TUBB8B: variants seen among roughly 807,000 people sequenced by gnomAD.
The protein encoded by TUBB8B is tubulin beta 8B, also known as HSA18p11 beta-tubulin 4Q pseudogene.
TUBB8B carries 26 observed loss-of-function variants against 31.9 expected under a neutral mutation model. The observed-to-expected ratio is 0.81, with a 90% CI of 0.60 to 1.13. The LOEUF (loss-of-function observed/expected upper bound fraction) is 1.13, where lower values mean the gene tolerates loss of function less well. Among genes scored for constraint, TUBB8B ranks in the 50% most tolerant of loss-of-function variants. The pLI is 0.00. For synonymous variants in TUBB8B, 173 were observed against 231.0 expected (o/e 0.75, Z 2.28); for missense variants, 467 against 586.7 (o/e 0.80, Z 2.11).
In TUBB8B at chr18:47,652, G is replaced by A. The variant is rs1174548125; in HGVS notation, c.1073C>T (p.Pro358Leu). The part of the protein sequence containing the change: ...NVKTAVCDIP[P>L]RGLKMSATFI... ...GGTGGCTGACATTTTTAGCCCCCGGGGTGGGATGTCACAGACGGCTGTTTT... is the reference window on the plus strand; with the variant it reads ...GGTGGCTGACATTTTTAGCCCCCGGAGTGGGATGTCACAGACGGCTGTTTT... The change falls in exon 4 of 4, where the codon CCC becomes CTC. Residue 358 changes from proline to leucine, a missense_variant. Physicochemically the swap from Pro to Leu is moderately conservative, Grantham distance 98. Transcript: ENST00000308911. The A allele has an allele frequency of 2.2e-5, 36 of 1,611,990 alleles. 1 individual carries two copies. The highest frequency in any genetic ancestry group is 2.9e-5 in the Non-Finnish European group (34 of 1,179,060).
At chr18:66,161 T>G in the TUBB8B span, among the ~76,000 whole-genome samples, 1 of 152,126 alleles carries the variant, frequency 6.6e-6, no homozygotes, top group African/African-American at 2.4e-5. Flanking sequence ...CCCAGGAGGT[T>G]TAGGCTGCAA....
In TUBB8B at chr18:48,289, C is replaced by A. The variant is rs1318632486; in HGVS notation, c.436G>T (p.Gly146Trp). 3.7e-6 allele frequency: 6 copies of A among 1,612,362 alleles called. No individual in the cohort carries two copies. The African/African-American group carries it at 5.3e-5, about 14-fold the overall frequency. Residue 146 changes from glycine (G) to tryptophan (W), a missense_variant, in exon 4 of 4, where the codon GGG becomes TGG. By Grantham distance (184) the Gly-to-Trp change is radical. Coordinates refer to ENST00000308911, the MANE Select transcript of TUBB8B (RefSeq NM_001358689.2). ...TTACTAATGAGAAGGGTACCCATCC[C>A]AGACCCAGTCCCCCCACCCAGGGAG... is the stretch of plus-strand genomic sequence containing the variant. ...THSLGGGTGSGMGTLLISKIR... is the reference protein window; with the variant it reads ...THSLGGGTGSWMGTLLISKIR...
At chr18:66,462 G>C in the TUBB8B span, among the ~76,000 whole-genome samples, 2 of 152,084 alleles carry the variant, frequency 1.3e-5, no homozygotes, top group South Asian at 4.2e-4. Flanking sequence ...GAGGCGGGAG[G>C]ATCACTTGAG....
chr18:62,422 AT>A, the TUBB8B span, among the ~76,000 whole-genome samples: 24,560 of 138,934 alleles, frequency 0.18, 2,563 homozygotes, highest in African/African-American at 0.31. Context: ...TAAATGTTTA[AT>A]TTTTTTTTTT....
the TUBB8B span, chr18:73,247 G>A: frequency 6.3e-6 from 1 of 158,524 alleles, no homozygotes; most frequent in African/African-American, 2.4e-5. Flanking sequence ...CAAAGAGCCC[G>A]ACGGGAAACG....
chr18:62,795 C>T, the TUBB8B span, among the ~76,000 whole-genome samples: 1 of 151,760 alleles, frequency 6.6e-6, no homozygotes. Context: ...TATTTTGAGG[C>T]TATTTTTTAG....
At chr18:71,000 C>A in the TUBB8B span, among the ~76,000 whole-genome samples, 3 of 151,384 alleles carry the variant, frequency 2.0e-5, no homozygotes, top group South Asian at 2.1e-4. Context: ...GTAATCCCAG[C>A]ACTTTGGGAG....
chr18:61,331 A>G, the TUBB8B span, among the ~76,000 whole-genome samples: 1 of 151,562 alleles, frequency 6.6e-6, no homozygotes, highest in Non-Finnish European at 1.5e-5. Context: ...TTTTCAGTCT[A>G]AATGTATCTT....
chr18:66,822 A>G, the TUBB8B span, among the ~76,000 whole-genome samples: 1 of 152,126 alleles, frequency 6.6e-6, no homozygotes, highest in Non-Finnish European at 1.5e-5. Flanking sequence ...TGGGGATTGT[A>G]ACAGGATCCA....
chr18:54,576 A>G (rs1456531575), upstream of TUBB8B, among the ~76,000 whole-genome samples: 2 of 151,822 alleles, frequency 1.3e-5, no homozygotes, highest in East Asian at 3.9e-4. Context: ...TATACTCTCT[A>G]TGACATCAAT....
the TUBB8B span, among the ~76,000 whole-genome samples, chr18:61,353 T>G: frequency 6.6e-6 from 1 of 151,544 alleles, no homozygotes; most frequent in East Asian, 1.9e-4. Flanking sequence ...ACAGGTAGAG[T>G]ATTTTTTTTG....
At chr18:63,682 C>A in the TUBB8B span, among the ~76,000 whole-genome samples, 1 of 147,640 alleles carries the variant, frequency 6.8e-6, no homozygotes, top group Non-Finnish European at 1.5e-5. Context: ...CTAACCCTAA[C>A]CCTAACCCCT....
At chr18:72,196 A>AAAAAAAAATAAAAAAAAAAAAAC in the TUBB8B span, among the ~76,000 whole-genome samples, 1 of 84,536 alleles carries the variant, frequency 1.2e-5, no homozygotes, top group African/African-American at 3.9e-5. Context: ...AAAAAAAAAA[A>AAAAAAAAATAAAAAAAAAAAAAC]AAAGGAAAAA....
At chr18:57,058 CACTTCCA>C in the TUBB8B span, among the ~76,000 whole-genome samples, 2 of 151,746 alleles carry the variant, frequency 1.3e-5, no homozygotes, top group African/African-American at 4.8e-5. Flanking sequence ...CGACTAGGCC[CACTTCCA>C]ACATTGAGGA....
At chr18:66,918 A>G in the TUBB8B span, among the ~76,000 whole-genome samples, 247 of 152,040 alleles carry the variant, frequency 1.6e-3, 1 homozygote, top group Middle Eastern at 0.017. Context: ...GCATCTTTAA[A>G]TTTATGTAAG....
the TUBB8B span, among the ~76,000 whole-genome samples, chr18:58,376 C>T: frequency 1.3e-5 from 2 of 151,710 alleles, 1 homozygote; most frequent in Admixed American, 1.3e-4. Flanking sequence ...AGCCAGGCCA[C>T]ATCTTCAATG....
At chr18:59,020 G>A in the TUBB8B span, among the ~76,000 whole-genome samples, 1 of 151,602 alleles carries the variant, frequency 6.6e-6, no homozygotes, top group Admixed American at 6.6e-5. Flanking sequence ...AGGTCTTATG[G>A]GAACTCACTC....
the TUBB8B span, among the ~76,000 whole-genome samples, chr18:54,860 T>C: frequency 6.6e-6 from 1 of 151,980 alleles, no homozygotes; most frequent in East Asian, 1.9e-4. Context: ...AAAGCCACCT[T>C]AACTGAGGTG....
chr18:59,325 A>G, the TUBB8B span, among the ~76,000 whole-genome samples: 25 of 151,658 alleles, frequency 1.6e-4, no homozygotes, highest in African/African-American at 5.8e-4. Flanking sequence ...CAGCGGTAAA[A>G]GTGGATATTC....
Sources: allele counts gnomAD v4.1 joint callset (sites outside exome capture counted in the v4.1 genomes callset), GRCh38; gene constraint gnomAD v4.1.1; transcripts MANE v1.5; gene names NCBI Gene and HGNC (gene_info 2026-07-23, HGNC 2026-07-21).